Variants in RSF1 observed in about 807,000 individuals in gnomAD.
The protein encoded by RSF1 is remodeling and spacing factor 1.
In RSF1, 13 loss-of-function variants were observed where a neutral mutation model predicts 145.2. The observed-to-expected ratio is 0.09, with a 90% CI of 0.06 to 0.14. The LOEUF is 0.14. RSF1 is among the 10% of genes least tolerant of loss of function. The pLI is 1.00. For synonymous variants in RSF1, 577 were observed against 592.6 expected (o/e 0.97, Z 0.38); for missense variants, 1,517 against 1,718.2 (o/e 0.88, Z 2.07).
chr11:77,826,531 G>A, the RSF1 span, among the ~76,000 whole-genome samples: 1 of 152,186 alleles, frequency 6.6e-6, no homozygotes, highest in Non-Finnish European at 1.5e-5. Flanking sequence ...CAGAAAGGCT[G>A]TACTGACTGT....
At position 77,701,769 on chromosome 11, in the gene RSF1, G is replaced by T; in HGVS notation, c.1460C>A (p.Thr487Lys). The T allele has an allele frequency of 1.5e-5, 24 of 1,613,834 alleles. No individual in the cohort carries two copies. The highest frequency in any genetic ancestry group is 2.0e-5 in the Non-Finnish European group (24 of 1,179,964). ...DRNIITEGNG[T>K]ESLNSVITSM... is the part of the protein sequence containing the mutation. ...TGTTATGACAGAATTTAAGGACTCT[G>T]TTCCATTTCCCTCCGTGATGATATT... The change falls in exon 6 of 16, where the codon ACA becomes AAA. Residue 487 changes from threonine (T) to lysine (K), a missense_variant. Physicochemically the swap from Thr to Lys is moderately conservative, Grantham distance 78. Transcript: ENST00000308488.
chr11:77,753,510 G>A (rs1432974536), intron 2 of RSF1, among the ~76,000 whole-genome samples: 2 of 152,136 alleles, frequency 1.3e-5, no homozygotes, highest in African/African-American at 2.4e-5. Context: ...CTTGTCCAAC[G>A]CGTGGCCCAC....
chr11:77,853,993 CTTTTT>C, the RSF1 span, among the ~76,000 whole-genome samples: 2 of 138,380 alleles, frequency 1.4e-5, no homozygotes, highest in African/African-American at 5.4e-5. Context: ...CCTCCAAATT[CTTTTT>C]TTTTTTTTTT....
At chr11:77,739,877 T>C (rs1049712878) in intron 4 of RSF1, among the ~76,000 whole-genome samples, 10 of 152,094 alleles carry the variant, frequency 6.6e-5, no homozygotes, top group African/African-American at 2.2e-4. Context: ...GGTTATATAT[T>C]AAATGTTTCT....
chr11:77,843,458 C>T, the RSF1 span, among the ~76,000 whole-genome samples: 4 of 152,148 alleles, frequency 2.6e-5, no homozygotes, highest in Non-Finnish European at 5.9e-5. Flanking sequence ...AGCCTTCCAG[C>T]TAGATGCTGA....
intron 3 of RSF1, among the ~76,000 whole-genome samples, chr11:77,745,557 C>G (rs1947991132): frequency 1.3e-5 from 2 of 151,320 alleles, no homozygotes; most frequent in Non-Finnish European, 2.9e-5. Context: ...ATAAAACTTT[C>G]AATAATTCTT....
rs770792622 is a variant in RSF1 at position 77,747,042 on chromosome 11, G to C, written c.366C>G (p.Leu122=). The change falls in exon 3 of 16, where the codon CTC becomes CTG. Residue 122 remains leucine, a synonymous_variant. Coordinates refer to ENST00000308488, the MANE Select transcript of RSF1 (RefSeq NM_016578.4). The part of the protein sequence containing the change: ...LEMSVECKLA[L]LKYLCECQFD... ...CAAATAATAGATTTATTACCTTTAAGAGTGCTAGTTTGCATTCAACACTCA... is the reference window on the plus strand; with the variant it reads ...CAAATAATAGATTTATTACCTTTAACAGTGCTAGTTTGCATTCAACACTCA... 7.6e-6 allele frequency: 12 copies of C among 1,581,312 alleles called. No individual in the cohort carries two copies. Among genetic ancestry groups the C allele is most frequent in the Non-Finnish European group, 1.0e-5 (12 of 1,151,278 alleles).
chr11:77,810,871 AT>A (rs1948724372), intron 1 of RSF1, among the ~76,000 whole-genome samples: 2 of 152,086 alleles, frequency 1.3e-5, no homozygotes, highest in African/African-American at 4.8e-5. Flanking sequence ...AGATCAGTAA[AT>A]TTTTTTCTGT....
intron 2 of RSF1, among the ~76,000 whole-genome samples, chr11:77,748,216 C>CT (rs372130350): frequency 0.023 from 3,321 of 141,566 alleles, 114 homozygotes; most frequent in African/African-American, 0.079. Context: ...AATAGAGGAT[C>CT]TTTTTTTTTT....
intron 2 of RSF1, among the ~76,000 whole-genome samples, chr11:77,749,153 A>C (rs538215954): frequency 6.6e-6 from 1 of 152,358 alleles, no homozygotes; most frequent in South Asian, 2.1e-4. Context: ...GGGTAGGGGA[A>C]GGAAGGAATG....
chr11:77,791,663 G>A (rs561621108), intron 1 of RSF1, among the ~76,000 whole-genome samples: 2 of 152,206 alleles, frequency 1.3e-5, no homozygotes, highest in East Asian at 3.9e-4. Flanking sequence ...TTTCTCTAAA[G>A]TTCAAAGTTC....
chr11:77,713,568 C>G (rs1486417900), intron 5 of RSF1, among the ~76,000 whole-genome samples: 2 of 152,200 alleles, frequency 1.3e-5, no homozygotes, highest in East Asian at 1.9e-4. Flanking sequence ...AAAGTGTTTT[C>G]CAACACAGTC....
At position 77,698,814 on chromosome 11, in the gene RSF1, T is replaced by C. The variant is rs150679584; in HGVS notation, c.2509-121A>G. 6.1e-4 allele frequency: 459 copies of C among 758,414 alleles called. 2 individuals carry two copies. The Admixed American group carries it at 0.01, about 17-fold the overall frequency. 47.0% of individuals were successfully genotyped at this position (758,414 alleles called of 1,614,324 possible). A position where few individuals can be genotyped will look rare whatever the true frequency, so the allele number is the denominator to read the frequency against. ...ATATACCAAAAAAAGAGGAGAAAAT[T>C]ATTATAGTCTCATCATCAGATATAG... On this transcript the variant is annotated intron_variant, in intron 6 of 15. Coordinates refer to ENST00000308488, the MANE Select transcript of RSF1 (RefSeq NM_016578.4).
chr11:77,752,155 A>T (rs566192445), intron 2 of RSF1, among the ~76,000 whole-genome samples: 1 of 152,346 alleles, frequency 6.6e-6, no homozygotes, highest in Non-Finnish European at 1.5e-5. Context: ...CAGCCCAAGA[A>T]GTTATTTATT....
chr11:77,792,733 G>T (rs1225313034), intron 1 of RSF1, among the ~76,000 whole-genome samples: 5 of 147,980 alleles, frequency 3.4e-5, no homozygotes, highest in Non-Finnish European at 1.5e-5. Context: ...ATATTCAAAG[G>T]TCTGAAAAAA....
upstream of RSF1, among the ~76,000 whole-genome samples, chr11:77,824,988 T>C (rs1206241608): frequency 6.6e-6 from 1 of 152,124 alleles, no homozygotes; most frequent in Non-Finnish European, 1.5e-5. Context: ...GTTGTTGTTG[T>C]TTTTCTTTTT....
intron 5 of RSF1, among the ~76,000 whole-genome samples, chr11:77,725,065 G>A (rs1961021925): frequency 6.6e-6 from 1 of 152,184 alleles, no homozygotes; most frequent in Admixed American, 6.5e-5. Context: ...AGAGATGCCA[G>A]GGGCTGAGGG....
At chr11:77,699,277 A>C (rs915931099) in intron 6 of RSF1, among the ~76,000 whole-genome samples, 1 of 152,228 alleles carries the variant, frequency 6.6e-6, no homozygotes, top group Non-Finnish European at 1.5e-5. Flanking sequence ...ACAAATGTAA[A>C]AATATATACA....
chr11:77,835,976 A>G, the RSF1 span, among the ~76,000 whole-genome samples: 3 of 152,298 alleles, frequency 2.0e-5, 1 homozygote, highest in South Asian at 6.2e-4. Context: ...TGAAGAATAC[A>G]TGCTGTAGAG....
Sources: gnomAD v4.1 joint callset for allele counts (sites outside exome capture counted in the v4.1 genomes callset) on GRCh38, gnomAD v4.1.1 for gene constraint, MANE v1.5 for transcripts, NCBI Gene and HGNC (gene_info 2026-07-23, HGNC 2026-07-21) for gene names.